SYT6: variants seen among roughly 807,000 people sequenced by gnomAD.
SYT6 encodes the protein synaptotagmin-6.
SYT6 carries 24 observed loss-of-function variants against 38.4 expected under a neutral mutation model. The observed-to-expected ratio is 0.62, with a 90% CI of 0.45 to 0.88. The LOEUF (loss-of-function observed/expected upper bound fraction) is 0.88. Among genes scored for constraint, SYT6 ranks in the 40% least tolerant of loss-of-function variants. The pLI, the probability that SYT6 is intolerant of heterozygous loss-of-function variation, is 0.00. For synonymous variants in SYT6, 265 were observed against 241.9 expected, an observed-to-expected ratio of 1.10 and a Z score of -0.89; for missense variants, 611 against 621.0, an observed-to-expected ratio of 0.98 and a Z score of 0.17.
At chr1:114,144,028 G>T (rs1679030180) in intron 1 of SYT6, among the ~76,000 whole-genome samples, 1 of 152,198 alleles carries the variant, frequency 6.6e-6, no homozygotes, top group Non-Finnish European at 1.5e-5. Context: ...TGCAGGGTTT[G>T]CAAAAAGGTT....
At chr1:114,108,785 CTG>C (rs1466590161) in intron 3 of SYT6, among the ~76,000 whole-genome samples, 2 of 152,208 alleles carry the variant, frequency 1.3e-5, no homozygotes, top group African/African-American at 4.8e-5. Flanking sequence ...GCGTCAGTGC[CTG>C]TGAGTCCATC....
At position 114,137,772 on chromosome 1, in the gene SYT6, G is replaced by A. The variant is rs775644153; in HGVS notation, c.794C>T (p.Ser265Phe). The A allele has an allele frequency of 1.9e-5, 31 of 1,614,020 alleles. 1 individual carries two copies. In the Admixed American group the frequency reaches 5.2e-4, roughly 27 times the overall value. The change falls in exon 3 of 8, where the codon TCT becomes TTT. Residue 265 changes from serine to phenylalanine, a missense_variant. Physicochemically the swap from Ser to Phe is radical, Grantham distance 155 (BLOSUM62 -2). Coordinates refer to ENST00000610222, the MANE Select transcript of SYT6 (RefSeq NM_001253772.2). The part of the protein sequence containing the change: ...DLPAKDFCGS[S>F]DPYVKIYLLP... ...GAGGTAGATCTTGACATAAGGGTCAGAGCTTCCACAAAAGTCCTTGGCAGG... is the reference window on the plus strand; with the variant it reads ...GAGGTAGATCTTGACATAAGGGTCAAAGCTTCCACAAAAGTCCTTGGCAGG...
chr1:114,137,581 C>T lies in SYT6; in HGVS notation c.985G>A (p.Gly329Ser). 1 of 1,614,168 alleles carries T rather than the reference C, an allele frequency of 6.2e-7. No individual in the cohort carries two copies. The highest frequency in any genetic ancestry group is 8.5e-7 in the Non-Finnish European group (1 of 1,180,034). ...FDRFSRHDMIGEVILDNLFEA... is the reference protein window; with the variant it reads ...FDRFSRHDMISEVILDNLFEA... ...AAGAGGTTGTCCAGGATGACCTCGC[C>T]AATCATGTCATGGCGGGAGAAGCGG... Residue 329 changes from glycine to serine, a missense_variant, in exon 3 of 8, where the codon GGC (glycine) becomes AGC (serine). Coordinates refer to ENST00000610222, the MANE Select transcript of SYT6 (RefSeq NM_001253772.2).
chr1:114,114,765 C>G (rs138307091), intron 3 of SYT6, among the ~76,000 whole-genome samples: 20 of 152,328 alleles, frequency 1.3e-4, no homozygotes, highest in African/African-American at 4.8e-4. Flanking sequence ...CTATTAGAAT[C>G]TCTGTGACAT....
intron 3 of SYT6, among the ~76,000 whole-genome samples, chr1:114,114,845 G>A (rs1446577512): frequency 6.6e-6 from 1 of 152,272 alleles, no homozygotes; most frequent in African/African-American, 2.4e-5. Context: ...GGCATAAAAG[G>A]CCTCTTCTCT....
chr1:114,109,663 T>A (rs1044856750), intron 3 of SYT6, among the ~76,000 whole-genome samples: 1 of 152,196 alleles, frequency 6.6e-6, no homozygotes, highest in Non-Finnish European at 1.5e-5. Context: ...TTATTACTAC[T>A]GTTATAAAGA....
At chr1:114,132,678 TG>T (rs1678225118) in intron 3 of SYT6, among the ~76,000 whole-genome samples, 2 of 152,158 alleles carry the variant, frequency 1.3e-5, no homozygotes, top group Admixed American at 1.3e-4. Flanking sequence ...ACAGATGACC[TG>T]GACTGAAGGG....
chr1:114,153,544 G>A (rs1679554781), intron 1 of SYT6, 66 bp downstream of exon 1: 6 of 567,658 alleles, frequency 1.1e-5, no homozygotes, highest in Non-Finnish European at 1.9e-5. Flanking sequence ...TGGGACCGGG[G>A]CTTTGGGGAA....
chr1:114,115,949 C>A (rs781707173), intron 3 of SYT6, among the ~76,000 whole-genome samples: 2 of 152,070 alleles, frequency 1.3e-5, no homozygotes, highest in Admixed American at 1.3e-4. Flanking sequence ...ACCTTCTGTC[C>A]CTGGTTATTG....
chr1:114,146,012 T>A (rs554539797), intron 1 of SYT6, among the ~76,000 whole-genome samples: 1 of 152,182 alleles, frequency 6.6e-6, no homozygotes, highest in East Asian at 1.9e-4. Flanking sequence ...GAGGGCATGG[T>A]TTTTTGGAAT....
In SYT6 at chr1:114,131,551, C is replaced by T. The variant is rs114025150; in HGVS notation, c.1071+5944G>A. On this transcript the variant is annotated intron_variant, in intron 3 of 7. Coordinates refer to ENST00000610222, the MANE Select transcript of SYT6 (RefSeq NM_001253772.2). Reference sequence around the variant, plus strand: ...TAAGCATCCTGAACTGGTCTGTCCCCAGGTGTGTGCCTTGTGTATGAGGGG... The same window carrying T: ...TAAGCATCCTGAACTGGTCTGTCCCTAGGTGTGTGCCTTGTGTATGAGGGG... Among the ~76,000 whole-genome samples the T allele has an allele frequency of 3.9e-3, 592 of 152,288 alleles. 5 individuals carry two copies. The highest frequency in any genetic ancestry group is 0.014 in the African/African-American group (567 of 41,544).
chr1:114,103,596 G>C lies in SYT6; in HGVS notation c.1192+5C>G. 1 of 1,614,108 alleles carries C rather than the reference G, an allele frequency of 6.2e-7. No homozygotes were observed. The highest frequency in any genetic ancestry group is 8.5e-7 in the Non-Finnish European group (1 of 1,179,994). On this transcript the variant is annotated splice_donor_5th_base_variant and intron_variant, in intron 4 of 7. Coordinates refer to ENST00000610222, the MANE Select transcript of SYT6 (RefSeq NM_001253772.2). ...CTGGCAGGCCACTTGGGTTAAGAGAGGTACCTGAATAGCCTGTGATGTCCA... is the reference window on the plus strand; with the variant it reads ...CTGGCAGGCCACTTGGGTTAAGAGACGTACCTGAATAGCCTGTGATGTCCA...
intron 1 of SYT6, among the ~76,000 whole-genome samples, chr1:114,153,196 T>A (rs1679537930): frequency 6.6e-6 from 1 of 152,132 alleles, no homozygotes. Flanking sequence ...CCCGGGGACC[T>A]CGACACTCGC....
chr1:114,130,226 T>A lies in SYT6; in HGVS notation c.1071+7269A>T, dbSNP rs151322337. On this transcript the variant is annotated intron_variant, in intron 3 of 7. Transcript: ENST00000610222. ...TCCCTGCTTCATCTTCTCCATGCCA[T>A]TTATGACTCTCAGACATACTATTTA... 7.5e-3 allele frequency among the ~76,000 whole-genome samples: 1,079 copies of A among 143,642 alleles called. 9 individuals are homozygous for A. Among genetic ancestry groups the A allele is most frequent in the Admixed American group, 0.016 (233 of 14,542 alleles). The allele number at this position is 143,642 out of a possible 152,430, so 94.2% of individuals were successfully genotyped here. A position where few individuals can be genotyped will look rare whatever the true frequency, so the allele number is the denominator to read the frequency against.
intron 4 of SYT6, among the ~76,000 whole-genome samples, chr1:114,100,914 AC>A (rs1416504727): frequency 2.0e-5 from 3 of 151,952 alleles, no homozygotes; most frequent in Non-Finnish European, 4.4e-5. Flanking sequence ...CCCCTGCTCT[AC>A]CTATTTCCAT....
chr1:114,114,339 T>C (rs1356067047), intron 3 of SYT6, among the ~76,000 whole-genome samples: 1 of 152,234 alleles, frequency 6.6e-6, no homozygotes, highest in Non-Finnish European at 1.5e-5. Flanking sequence ...TTCTCAGTAC[T>C]GAGCACGGTG....
intron 1 of SYT6, among the ~76,000 whole-genome samples, chr1:114,146,237 G>A (rs750429757): frequency 6.6e-6 from 1 of 152,224 alleles, no homozygotes; most frequent in Admixed American, 6.5e-5. Context: ...GCAGCAGGGA[G>A]GAGGTGACTG....
chr1:114,103,594 G>A lies in SYT6; in HGVS notation c.1192+7C>T. ...TGCTGGCAGGCCACTTGGGTTAAGA[G>A]AGGTACCTGAATAGCCTGTGATGTC... is the stretch of plus-strand genomic sequence containing the variant. On this transcript the variant is annotated splice_region_variant and intron_variant, in intron 4 of 7. Transcript: ENST00000610222. 6.2e-7 allele frequency: 1 copy of A among 1,614,106 alleles called. No homozygotes were observed. The highest frequency in any genetic ancestry group is 8.5e-7 in the Non-Finnish European group (1 of 1,179,998).
At chr1:114,140,702 A>G (rs889625943) in intron 1 of SYT6, among the ~76,000 whole-genome samples, 4 of 152,216 alleles carry the variant, frequency 2.6e-5, no homozygotes, top group Admixed American at 2.0e-4. Context: ...TCATTTTGCT[A>G]TGCTTCACTT....
Sources: allele counts gnomAD v4.1 joint callset (sites outside exome capture counted in the v4.1 genomes callset), GRCh38; gene constraint gnomAD v4.1.1; transcripts MANE v1.5; gene names NCBI Gene and HGNC (gene_info 2026-07-23, HGNC 2026-07-21).